MGMT: variants seen among roughly 807,000 people sequenced by gnomAD.
The protein encoded by MGMT is methylated-DNA--protein-cysteine methyltransferase.
A neutral mutation model predicts 15.9 loss-of-function variants in MGMT; 14 were observed. The ratio of observed to expected loss-of-function variants is 0.88; its 90% CI spans 0.58 to 1.37. MGMT has a LOEUF of 1.37. Among genes scored for constraint, MGMT ranks in the 40% most tolerant of loss-of-function variants. The probability of loss-of-function intolerance (pLI) is 0.00; values close to 1 mark genes in which losing one functional copy is unlikely to be tolerated. For synonymous variants in MGMT, 130 were observed against 118.2 expected, an observed-to-expected ratio of 1.10 and a Z score of -0.65; for missense variants, 282 against 268.1, an observed-to-expected ratio of 1.05 and a Z score of -0.36.
Position 129,767,188 on chromosome 10 carries a change from C to A in MGMT, c.*191C>A. ...CGGTCCTGCACACATTTGTTTCCTTCTCTAACGCTGCCCTTGCTCTATTTT... is the reference window on the plus strand; with the variant it reads ...CGGTCCTGCACACATTTGTTTCCTTATCTAACGCTGCCCTTGCTCTATTTT... On this transcript the variant is annotated 3_prime_UTR_variant, in exon 5 of 5. Coordinates refer to ENST00000651593, the MANE Select transcript of MGMT (RefSeq NM_002412.5). 1.9e-6 allele frequency: 1 copy of A among 528,392 alleles called. No homozygotes were observed. The highest frequency in any genetic ancestry group is 3.3e-6 in the Non-Finnish European group (1 of 302,760). 32.7% of individuals were successfully genotyped at this position (528,392 alleles called of 1,614,324 possible).
intron 2 of MGMT, among the ~76,000 whole-genome samples, chr10:129,664,852 C>T (rs1013729707): frequency 1.3e-5 from 2 of 152,160 alleles, no homozygotes; most frequent in Admixed American, 1.3e-4. Flanking sequence ...AAAATATGCT[C>T]AACATCTTCA....
chr10:129,732,993 T>C (rs1848519469), intron 3 of MGMT, among the ~76,000 whole-genome samples: 1 of 152,022 alleles, frequency 6.6e-6, no homozygotes, highest in South Asian at 2.1e-4. Context: ...GTCTTTGCTA[T>C]TGTAAATAAT....
intron 2 of MGMT, among the ~76,000 whole-genome samples, chr10:129,649,469 A>G (rs1847432691): frequency 6.6e-6 from 1 of 152,190 alleles, no homozygotes; most frequent in Non-Finnish European, 1.5e-5. Flanking sequence ...AGGAAGATAT[A>G]ATGGATTTTG....
chr10:129,702,764 G>A (rs747283092), intron 2 of MGMT, among the ~76,000 whole-genome samples: 10 of 152,232 alleles, frequency 6.6e-5, no homozygotes, highest in Non-Finnish European at 1.2e-4. Context: ...CGGACCACAG[G>A]GCCGGCATTT....
chr10:129,699,077 GT>G (rs751162830), intron 2 of MGMT, among the ~76,000 whole-genome samples: 7 of 152,106 alleles, frequency 4.6e-5, no homozygotes, highest in Non-Finnish European at 1.0e-4. Context: ...GTTTTGGGGT[GT>G]TTTTATCTTC....
chr10:129,724,243 G>A (rs1848407459), intron 3 of MGMT, among the ~76,000 whole-genome samples: 1 of 152,174 alleles, frequency 6.6e-6, no homozygotes, highest in Admixed American at 6.5e-5. Context: ...ACAGCCTCGT[G>A]GATGAGTCTC....
chr10:129,473,037 G>A (rs1488645148), intron 1 of MGMT, among the ~76,000 whole-genome samples: 1 of 152,158 alleles, frequency 6.6e-6, no homozygotes, highest in Non-Finnish European at 1.5e-5. Flanking sequence ...TGTGCTCCTA[G>A]GGGCACTTGG....
At chr10:129,712,622 G>A (rs1352866708) in intron 3 of MGMT, among the ~76,000 whole-genome samples, 4 of 152,176 alleles carry the variant, frequency 2.6e-5, no homozygotes, top group East Asian at 3.9e-4. Context: ...GGTTCCCACC[G>A]TGTCCTGGAA....
chr10:129,636,484 G>A (rs550838344), intron 2 of MGMT, among the ~76,000 whole-genome samples: 3 of 152,310 alleles, frequency 2.0e-5, no homozygotes, highest in Non-Finnish European at 4.4e-5. Flanking sequence ...TTGAAAGAAG[G>A]CCTTAATGCT....
chr10:129,494,504 G>T (rs1247136282), intron 1 of MGMT, among the ~76,000 whole-genome samples: 2 of 152,122 alleles, frequency 1.3e-5, no homozygotes, highest in Non-Finnish European at 2.9e-5. Context: ...TCCCTAATAT[G>T]TGCAATGACA....
intron 1 of MGMT, among the ~76,000 whole-genome samples, chr10:129,522,095 T>C (rs1589848546): frequency 1.3e-5 from 2 of 151,750 alleles, no homozygotes; most frequent in African/African-American, 4.8e-5. Flanking sequence ...TGGAGAAGAA[T>C]TGGGTAAGGG....
chr10:129,501,265 C>G (rs1052804284), intron 1 of MGMT, among the ~76,000 whole-genome samples: 1 of 152,200 alleles, frequency 6.6e-6, no homozygotes, highest in Non-Finnish European at 1.5e-5. Flanking sequence ...CCTGATACCT[C>G]TCAGAGCTAC....
chr10:129,723,142 G>C (rs1000104262), intron 3 of MGMT, among the ~76,000 whole-genome samples: 9 of 151,230 alleles, frequency 6.0e-5, no homozygotes, highest in African/African-American at 2.2e-4. Context: ...TATTTCCATA[G>C]GTTTTTGGGG....
chr10:129,716,363 AAC>A (rs925736736), intron 3 of MGMT, among the ~76,000 whole-genome samples: 1 of 152,080 alleles, frequency 6.6e-6, no homozygotes, highest in African/African-American at 2.4e-5. Flanking sequence ...TTGTTGCACA[AAC>A]ACATATTGTG....
At position 129,496,505 on chromosome 10, in the gene MGMT, TAA is replaced by T. The variant is rs1488815080; in HGVS notation, c.-13+29213_-13+29214del. The stretch of plus-strand genomic sequence containing the variant: ...GTGCTTGCAACCTCTGGCTTCCATA[TAA>T]AAATGTCTAAATAAAATACTGGCAG... On this transcript the variant is annotated intron_variant, in intron 1 of 4. Transcript: ENST00000651593. 4.6e-5 allele frequency among the ~76,000 whole-genome samples: 7 copies of T among 152,190 alleles called. No homozygotes were observed. The East Asian group carries it at 1.3e-3, about 29-fold the overall frequency.
At chr10:129,494,294 T>A (rs1005329843) in intron 1 of MGMT, among the ~76,000 whole-genome samples, 2 of 152,132 alleles carry the variant, frequency 1.3e-5, no homozygotes, top group African/African-American at 4.8e-5. Flanking sequence ...CTCAGTCACC[T>A]GGGGAGTGGG....
intron 2 of MGMT, among the ~76,000 whole-genome samples, chr10:129,702,755 G>A (rs932977891): frequency 3.3e-5 from 5 of 152,224 alleles, no homozygotes; most frequent in African/African-American, 4.8e-5. Flanking sequence ...AGGATGGGGC[G>A]GACCACAGGG....
rs192468308 is a variant in MGMT, at chr10:129,475,413, C to A, written c.-13+8117C>A. Reference sequence around the variant, plus strand: ...AGTGCATGAGAGGCGTGAGGCACGGCGGATGCTGCGGGTCTTATAAGGCCT... The same window carrying A: ...AGTGCATGAGAGGCGTGAGGCACGGAGGATGCTGCGGGTCTTATAAGGCCT... On this transcript the variant is annotated intron_variant, in intron 1 of 4. Transcript: ENST00000651593. 7.1e-4 allele frequency among the ~76,000 whole-genome samples: 108 copies of A among 152,180 alleles called. No homozygotes were observed. In the Middle Eastern group the frequency reaches 0.02, roughly 29 times the overall value.
Position 129,569,237 on chromosome 10 carries a change from C to A in MGMT, c.125+32860C>A, listed in dbSNP as rs201544093. 1.4e-4 allele frequency among the ~76,000 whole-genome samples: 21 copies of A among 152,056 alleles called. No homozygotes were observed. In the East Asian group the frequency reaches 3.7e-3, roughly 27 times the overall value. ...GACGATAGACATAAAACACCTGGCCCGGCTCCGGCGCACAGATGCTGAAGT... is the reference window on the plus strand; with the variant it reads ...GACGATAGACATAAAACACCTGGCCAGGCTCCGGCGCACAGATGCTGAAGT... On this transcript the variant is annotated intron_variant, in intron 2 of 4. Transcript: ENST00000651593.
Sources: allele counts gnomAD v4.1 joint callset (sites outside exome capture counted in the v4.1 genomes callset), GRCh38; gene constraint gnomAD v4.1.1; transcripts MANE v1.5; gene names NCBI Gene and HGNC (gene_info 2026-07-23, HGNC 2026-07-21).